ITGA1: variants seen among roughly 807,000 people sequenced by gnomAD.
ITGA1 encodes the protein integrin alpha-1.
In ITGA1, 85 loss-of-function variants were observed where a neutral mutation model predicts 145.9. The observed-to-expected ratio is 0.58, with a 90% CI of 0.49 to 0.70. The LOEUF is 0.70. ITGA1 is among the 30% of genes least tolerant of loss of function. The pLI, the probability that ITGA1 is intolerant of heterozygous loss-of-function variation, is 0.00. For synonymous variants in ITGA1, 520 were observed against 495.3 expected (o/e 1.05, Z -0.66); for missense variants, 1,351 against 1,418.7 (o/e 0.95, Z 0.77).
intron 7 of ITGA1, among the ~76,000 whole-genome samples, chr5:52,883,645 C>T (rs2456204): frequency 0.16 from 24,234 of 151,888 alleles, 2,217 homozygotes; most frequent in South Asian, 0.28. Context: ...GTGTGTGTTC[C>T]CTTCTTCCTA....
chr5:52,947,538 G>A (rs1751154154), intron 28 of ITGA1, 77 bp downstream of exon 28: 3 of 833,620 alleles, frequency 3.6e-6, no homozygotes, highest in Admixed American at 3.7e-5. Context: ...GATATATTCA[G>A]ACTATGTAAT....
intron 1 of ITGA1, among the ~76,000 whole-genome samples, 173 bp downstream of exon 1, chr5:52,788,587 T>G (rs530515785): frequency 6.6e-6 from 1 of 152,272 alleles, no homozygotes; most frequent in Non-Finnish European, 1.5e-5. Context: ...CGCGTTCTGG[T>G]TTTGATATGA....
At chr5:52,796,329 A>G (rs1028676747) in intron 1 of ITGA1, among the ~76,000 whole-genome samples, 2 of 151,886 alleles carry the variant, frequency 1.3e-5, no homozygotes, top group African/African-American at 2.4e-5. Flanking sequence ...CCCCTTCTGG[A>G]GAGATTAATA....
At chr5:52,931,942 GC>G in intron 21 of ITGA1, 104 bp from the exon 22 acceptor site, 1 of 659,444 alleles carries the variant, frequency 1.5e-6, no homozygotes, top group Non-Finnish European at 2.7e-6. Context: ...ACTCTTACAT[GC>G]TTTTATTTAG....
At chr5:52,912,152 A>ACGC in intron 14 of ITGA1, among the ~76,000 whole-genome samples, 1 of 143,250 alleles carries the variant, frequency 7.0e-6, no homozygotes, top group Admixed American at 7.1e-5. Context: ...GTATATAGAT[A>ACGC]TGCTATATAT....
chr5:52,835,653 T>A (rs536415492), intron 1 of ITGA1, among the ~76,000 whole-genome samples: 1 of 151,918 alleles, frequency 6.6e-6, no homozygotes, highest in East Asian at 1.9e-4. Context: ...AATTTATAGA[T>A]GTGTGTGTGT....
intron 11 of ITGA1, chr5:52,903,382 A>G (rs1750347154): frequency 6.6e-6 from 1 of 152,184 alleles, no homozygotes; most frequent in African/African-American, 2.4e-5. Flanking sequence ...TTAAAACAAT[A>G]TTGTGGTTAG....
In ITGA1 at chr5:52,879,354, G is replaced by A. The variant is rs187201177; in HGVS notation, c.625-2519G>A. 2.3e-4 allele frequency among the ~76,000 whole-genome samples: 35 copies of A among 152,240 alleles called. 1 individual carries two copies. Among genetic ancestry groups the A allele is most frequent in the Middle Eastern group, 3.4e-3 (1 of 294 alleles). ...AGAAAAACAAAGCAAACTGTAAGAT[G>A]TCCTTAATTGATGAGCAATTAACTT... On this transcript the variant is annotated intron_variant, in intron 6 of 28. Transcript: ENST00000282588.
rs1265360593 is a variant in ITGA1 at position 52,953,547 on chromosome 5, C to G, written c.*1096C>G. On this transcript the variant is annotated 3_prime_UTR_variant, in exon 29 of 29. Coordinates refer to ENST00000282588, the MANE Select transcript of ITGA1 (RefSeq NM_181501.2). ...TTTCCATTTCAGTATTACATTTTACCAAGAAGTCACTGCTTTTTAGGTGTG... is the reference window on the plus strand; with the variant it reads ...TTTCCATTTCAGTATTACATTTTACGAAGAAGTCACTGCTTTTTAGGTGTG... 2 of 151,926 alleles carry G rather than the reference C, an allele frequency of 1.3e-5. No individual in the cohort carries two copies. Among genetic ancestry groups the G allele is most frequent in the Admixed American group, 6.6e-5 (1 of 15,260 alleles). The allele number at this position is 151,926 out of a possible 1,614,324, so 9.4% of individuals were successfully genotyped here.
rs375258457 is a variant in ITGA1, at chr5:52,890,374, T to C, written c.924+2409T>C. ...ATACTATATTAAGATTCATCCATAA[T>C]GTTGCATATCTGTATAGTTCATTCT... On this transcript the variant is annotated intron_variant, in intron 8 of 28. Coordinates refer to ENST00000282588, the MANE Select transcript of ITGA1 (RefSeq NM_181501.2). Among the ~76,000 whole-genome samples, 93 of 152,348 alleles carry C rather than the reference T, an allele frequency of 6.1e-4. 1 individual carries two copies. The South Asian group carries it at 0.019, about 31-fold the overall frequency.
At position 52,876,652 on chromosome 5, in the gene ITGA1, GC is replaced by G. The variant is rs200965662; in HGVS notation, c.625-5220del. On this transcript the variant is annotated intron_variant, in intron 6 of 28. Transcript: ENST00000282588. ...ATCTAGTAAGAATGTCTTAGGGTCA[GC>G]TGTGAGCAAAGCAAAACAGCAGTGA... 5.3e-3 allele frequency among the ~76,000 whole-genome samples: 802 copies of G among 152,202 alleles called. 4 individuals carry two copies. The highest frequency in any genetic ancestry group is 0.017 in the Middle Eastern group (5 of 294).
intron 1 of ITGA1, chr5:52,801,588 C>T: frequency 6.2e-7 from 1 of 1,614,016 alleles, no homozygotes; most frequent in East Asian, 2.2e-5. Flanking sequence ...TGGAGAAGGC[C>T]AATGAAGCCA....
At chr5:52,898,206 T>G in intron 10 of ITGA1, 33 bp from the exon 11 acceptor site, 1 of 1,358,620 alleles carries the variant, frequency 7.4e-7, no homozygotes. Context: ...TTATTTTTAT[T>G]AAATATTATT....
At chr5:52,934,789 A>T (rs1294137176) in intron 23 of ITGA1, among the ~76,000 whole-genome samples, 2 of 151,990 alleles carry the variant, frequency 1.3e-5, no homozygotes, top group Non-Finnish European at 2.9e-5. Context: ...CCTTTTGGGA[A>T]TTGCCAACCA....
At chr5:52,800,782 G>A (rs1420357198) in intron 1 of ITGA1, 15 of 1,614,026 alleles carry the variant, frequency 9.3e-6, no homozygotes, top group Non-Finnish European at 1.2e-5. Flanking sequence ...GCAGGCCTGT[G>A]ACCCAGCCTG....
At position 52,908,955 on chromosome 5, in the gene ITGA1, A is replaced by C. The variant is rs142481613; in HGVS notation, c.1513A>C (p.Thr505Pro). ...AACTGACATTGACAAGGATTCTAAT[A>C]CTGACATTCTTCTAGTCGGAGCCCC... ...TTTDIDKDSN[T>P]DILLVGAPMY... is the part of the protein sequence containing the mutation. The change falls in exon 13 of 29, where the codon ACT becomes CCT. Residue 505 changes from threonine to proline, a missense_variant. Coordinates refer to ENST00000282588, the MANE Select transcript of ITGA1 (RefSeq NM_181501.2). 180 of 1,613,934 alleles carry C rather than the reference A, an allele frequency of 1.1e-4. No homozygotes were observed. The African/African-American group carries it at 2.1e-3, about 19-fold the overall frequency.
In ITGA1 at chr5:52,956,371, G is replaced by C. The variant is rs891553382; in HGVS notation, c.*3920G>C. On this transcript the variant is annotated 3_prime_UTR_variant, in exon 29 of 29. Transcript: ENST00000282588. Reference sequence around the variant, plus strand: ...TCTGACAAATCAGTTTTTCAAAATAGCATCCTATGTACTTTTCATTTCTTC... The same window carrying C: ...TCTGACAAATCAGTTTTTCAAAATACCATCCTATGTACTTTTCATTTCTTC... The C allele has an allele frequency of 1.3e-5, 2 of 152,172 alleles. No individual in the cohort carries two copies. Among genetic ancestry groups the C allele is most frequent in the African/African-American group, 4.8e-5 (2 of 41,438 alleles). The allele number at this position is 152,172 out of a possible 1,614,324, so 9.4% of individuals were successfully genotyped here. A position where few individuals can be genotyped will look rare whatever the true frequency, so the allele number is the denominator to read the frequency against.
In ITGA1 at chr5:52,908,985, T is replaced by C; in HGVS notation, c.1543T>C (p.Tyr515His). The C allele has an allele frequency of 6.2e-7, 1 of 1,613,906 alleles. No homozygotes were observed. Among genetic ancestry groups the C allele is most frequent in the Non-Finnish European group, 8.5e-7 (1 of 1,179,862 alleles). Residue 515 changes from tyrosine (Y) to histidine (H), a missense_variant, in exon 13 of 29, where the codon TAC becomes CAC. Transcript: ENST00000282588. ...TDILLVGAPM[Y>H]MGTEKEEQGK... Reference sequence around the variant, plus strand: ...CATTCTTCTAGTCGGAGCCCCTATGTACATGGGAACAGAGAAGGAGGAGCA... The same window carrying C: ...CATTCTTCTAGTCGGAGCCCCTATGCACATGGGAACAGAGAAGGAGGAGCA...
Position 52,881,977 on chromosome 5 carries a change from A to C in ITGA1, c.729A>C (p.Arg243Ser). The change falls in exon 7 of 29, where the codon AGA (arginine) becomes AGC (serine). Residue 243 changes from arginine to serine, a missense_variant. Arg to Ser is a moderately radical substitution (Grantham distance 110, BLOSUM62 -1). Transcript: ENST00000282588. ...TTGCAGCAAAGAAAATAGTCCAGAG[A>C]GGTGGCCGCCAGACTATGACAGCTC... is the stretch of plus-strand genomic sequence containing the variant. ...VLVAAKKIVQ[R>S]GGRQTMTALG... 1 of 1,613,832 alleles carries C rather than the reference A, an allele frequency of 6.2e-7. No individual in the cohort carries two copies. The highest frequency in any genetic ancestry group is 8.5e-7 in the Non-Finnish European group (1 of 1,179,822).
Sources: gnomAD v4.1 joint callset for allele counts (sites outside exome capture counted in the v4.1 genomes callset) on GRCh38, gnomAD v4.1.1 for gene constraint, MANE v1.5 for transcripts, NCBI Gene and HGNC (gene_info 2026-07-23, HGNC 2026-07-21) for gene names.